The following CCNB3 variants were observed in gnomAD, a reference collection of about 807,000 sequenced individuals.
CCNB3 encodes cyclin B3, also known as G2/mitotic-specific cyclin-B3.
CCNB3 carries 12 observed loss-of-function variants against 68.0 expected under a neutral mutation model. The observed-to-expected ratio is 0.18, with a 90% CI of 0.11 to 0.29. CCNB3 has a LOEUF of 0.29. Among genes scored for constraint, CCNB3 ranks in the 10% least tolerant of loss-of-function variants. The pLI, the probability that CCNB3 is intolerant of heterozygous loss-of-function variation, is 1.00. For synonymous variants in CCNB3, 354 were observed against 388.9 expected, an observed-to-expected ratio of 0.91 and a Z score of 1.06; for missense variants, 904 against 993.1, an observed-to-expected ratio of 0.91 and a Z score of 1.21.
At chrX:50,225,073 G>A (rs1044110436) in intron 1 of CCNB3, among the ~76,000 whole-genome samples, 324 of 111,377 alleles carry the variant, frequency 2.9e-3, no homozygotes, top group African/African-American at 0.01. Context: ...GCATTCTTGA[G>A]AAATTAAAAA....
chrX:50,298,096 C>T (rs1471127682), intron 5 of CCNB3, among the ~76,000 whole-genome samples: 2 of 111,595 alleles, frequency 1.8e-5, no homozygotes, highest in Non-Finnish European at 3.8e-5. Context: ...ATTTGACTTC[C>T]TCTTTTCCTA....
chrX:50,333,410 C>T (rs1922699009), intron 8 of CCNB3, among the ~76,000 whole-genome samples: 1 of 112,019 alleles, frequency 8.9e-6, no homozygotes, highest in Non-Finnish European at 1.9e-5. Flanking sequence ...AAAGGAGCCG[C>T]TCCATAAGCT....
intron 5 of CCNB3, among the ~76,000 whole-genome samples, chrX:50,303,119 C>T (rs1047910970): frequency 1.8e-5 from 2 of 110,523 alleles, no homozygotes; most frequent in Non-Finnish European, 3.8e-5. Flanking sequence ...GGTATAGCCA[C>T]TGTGGAATGG....
intron 1 of CCNB3, among the ~76,000 whole-genome samples, chrX:50,279,841 T>C (rs1936074106): frequency 1.1e-5 from 1 of 87,997 alleles, no homozygotes; most frequent in Non-Finnish European, 2.1e-5. Flanking sequence ...ACATATACTT[T>C]ATAAATATAA....
At chrX:50,345,640 C>T (rs1367186985) in intron 9 of CCNB3, among the ~76,000 whole-genome samples, 1 of 111,454 alleles carries the variant, frequency 9.0e-6, no homozygotes, top group Non-Finnish European at 1.9e-5. Context: ...CAGAGGGCCC[C>T]TACCAAGTCC....
intron 9 of CCNB3, among the ~76,000 whole-genome samples, chrX:50,343,111 A>G (rs1923219401): frequency 2.7e-5 from 3 of 111,949 alleles, no homozygotes; most frequent in Admixed American, 9.5e-5. Context: ...TTGTTGTAGG[A>G]GATGACAGCT....
rs1340700056 is a variant in CCNB3, at chrX:50,302,419, A to G, written c.336-6086A>G. Among the ~76,000 whole-genome samples the G allele has an allele frequency of 2.7e-5, 3 of 112,299 alleles. No individual in the cohort carries two copies. In the Admixed American group the frequency reaches 2.8e-4, roughly 11 times the overall value. On this transcript the variant is annotated intron_variant, in intron 5 of 12. Coordinates refer to ENST00000376042, the MANE Select transcript of CCNB3 (RefSeq NM_033031.3). ...TTTACTGAGAGCTCACTGTGATCAC[A>G]GAAGTATAATCATTAAGTCTTTATT...
intron 8 of CCNB3, among the ~76,000 whole-genome samples, chrX:50,335,214 G>A (rs1327391702): frequency 8.9e-6 from 1 of 112,083 alleles, no homozygotes; most frequent in Non-Finnish European, 1.9e-5. Context: ...GGGTCCAAGG[G>A]TACTGAGTAG....
intron 1 of CCNB3, among the ~76,000 whole-genome samples, chrX:50,228,662 A>C (rs1436943479): frequency 5.4e-3 from 433 of 80,236 alleles, no homozygotes; most frequent in Non-Finnish European, 8.5e-3. Context: ...AATATATAGA[A>C]TATATATAGA....
intron 1 of CCNB3, among the ~76,000 whole-genome samples, chrX:50,210,512 G>A (rs1048881734): frequency 2.6e-4 from 29 of 111,936 alleles, no homozygotes; most frequent in Admixed American, 2.3e-3. Context: ...TTCCTCTCAT[G>A]ACTAAAAACT....
intron 10 of CCNB3, 86 bp from the exon 11 acceptor site, chrX:50,347,540 C>A: frequency 1.1e-6 from 1 of 951,808 alleles, no homozygotes; most frequent in Non-Finnish European, 1.5e-6. Context: ...CACTGAGGCT[C>A]GGGATGATGT....
intron 11 of CCNB3, among the ~76,000 whole-genome samples, chrX:50,350,529 G>T (rs1168224581): frequency 3.6e-5 from 4 of 111,528 alleles, no homozygotes; most frequent in African/African-American, 1.3e-4. Context: ...CAGAGAGGAG[G>T]ATCAGCCTTA....
At chrX:50,320,817 C>A (rs1161739772) in intron 8 of CCNB3, among the ~76,000 whole-genome samples, 1 of 110,151 alleles carries the variant, frequency 9.1e-6, no homozygotes, top group Non-Finnish European at 1.9e-5. Flanking sequence ...TAGGAACATA[C>A]ACATTTAGGA....
chrX:50,311,588 TTGTTTTTTGTTGTTG>T, intron 6 of CCNB3, 92 bp downstream of exon 6: 1 of 682,900 alleles, frequency 1.5e-6, no homozygotes, highest in African/African-American at 2.2e-5. Flanking sequence ...TTTTTTGTTT[TTGTTTTTTGTTGTTG>T]TTGTTGTTTT....
intron 5 of CCNB3, among the ~76,000 whole-genome samples, chrX:50,302,482 A>T (rs915079654): frequency 8.0e-5 from 9 of 111,875 alleles, no homozygotes; most frequent in Non-Finnish European, 1.7e-4. Flanking sequence ...TAATTTGCAT[A>T]CCAAACAGTT....
chrX:50,217,075 G>A, intron 1 of CCNB3, among the ~76,000 whole-genome samples: 2 of 110,828 alleles, frequency 1.8e-5, no homozygotes. Context: ...CTCAGGATCA[G>A]AAGGAAAGTC....
intron 1 of CCNB3, among the ~76,000 whole-genome samples, chrX:50,226,406 T>C (rs1476630555): frequency 3.6e-5 from 2 of 54,964 alleles, no homozygotes; most frequent in Non-Finnish European, 5.7e-5. Flanking sequence ...TATAAAAATA[T>C]ATATAGAATA....
At chrX:50,217,374 G>A (rs1430077874) in intron 1 of CCNB3, among the ~76,000 whole-genome samples, 2 of 100,530 alleles carry the variant, frequency 2.0e-5, no homozygotes, top group Non-Finnish European at 4.0e-5. Flanking sequence ...CCCAGTTCGC[G>A]CCATTCTCCT....
chrX:50,280,259 T>A (rs2147013584), intron 1 of CCNB3, among the ~76,000 whole-genome samples: 1 of 94,288 alleles, frequency 1.1e-5, no homozygotes, highest in East Asian at 3.2e-4. Flanking sequence ...TAAATATCTA[T>A]ATAGAATATA....
Sources: gnomAD v4.1 joint callset for allele counts (sites outside exome capture counted in the v4.1 genomes callset) on GRCh38, gnomAD v4.1.1 for gene constraint, MANE v1.5 for transcripts, NCBI Gene and HGNC (gene_info 2026-07-23, HGNC 2026-07-21) for gene names.